ATPAF2: variants seen among roughly 807,000 people sequenced by gnomAD.
ATPAF2 encodes the protein ATP synthase mitochondrial F1 complex assembly factor 2.
A neutral mutation model predicts 36.6 loss-of-function variants in ATPAF2; 30 were observed. The ratio of observed to expected loss-of-function variants is 0.82; its 90% confidence interval spans 0.61 to 1.11. The LOEUF (loss-of-function observed/expected upper bound fraction) is 1.11, where lower values mean the gene tolerates loss of function less well. Among genes scored for constraint, ATPAF2 ranks in the 50% most tolerant of loss-of-function variants. ATPAF2 has a pLI of 0.00. For missense variants in ATPAF2, 321 were observed against 372.3 expected (o/e 0.86, Z 1.13); for synonymous variants, 140 against 152.6 (o/e 0.92, Z 0.61).
chr17:18,026,157 C>T lies in ATPAF2; in HGVS notation c.422+162G>A, dbSNP rs1295490619. Reference sequence around the variant, plus strand: ...CACCATTGTAGCCCGAGGAGTCCTCCTCCTAAGGGGCTACAGAGCAGCCAA... The same window carrying T: ...CACCATTGTAGCCCGAGGAGTCCTCTTCCTAAGGGGCTACAGAGCAGCCAA... On this transcript the variant is annotated intron_variant, in intron 4 of 7. Transcript: ENST00000474627. 14 of 723,736 alleles carry T rather than the reference C, an allele frequency of 1.9e-5. No homozygotes were observed. The East Asian group carries it at 2.9e-4, about 15-fold the overall frequency. 44.8% of individuals were successfully genotyped at this position (723,736 alleles called of 1,614,324 possible).
At chr17:18,032,334 C>CT (rs1452502941) in intron 1 of ATPAF2, among the ~76,000 whole-genome samples, 1 of 152,194 alleles carries the variant, frequency 6.6e-6, no homozygotes, top group Non-Finnish European at 1.5e-5. Context: ...AGAGGGAAGT[C>CT]TTTTTTCTGT....
chr17:18,018,585 C>G lies in ATPAF2; in HGVS notation c.834G>C (p.Glu278Asp). Reference protein sequence around the residue: ...AGTLFIHLCSESTTVKHKLLK... With the variant: ...AGTLFIHLCSDSTTVKHKLLK... The stretch of plus-strand genomic sequence containing the variant: ...GGAGCTTGTGCTTGACTGTGGTGCT[C>G]TCGGAGCAGAGATGGATGAAGAGGG... The change falls in exon 8 of 8, where the codon GAG becomes GAC. Residue 278 changes from glutamate (E) to aspartate (D), a missense_variant. Glu to Asp is a conservative substitution (Grantham distance 45). Around this residue, in one of 3 missense-constraint regions of ATPAF2, gnomAD observed 199 missense variants for 220.6 expected, o/e 0.90. Coordinates refer to ENST00000474627, the MANE Select transcript of ATPAF2 (RefSeq NM_145691.4). 4 of 1,613,946 alleles carry G rather than the reference C, an allele frequency of 2.5e-6. No individual in the cohort carries two copies. The highest frequency in any genetic ancestry group is 3.4e-6 in the Non-Finnish European group (4 of 1,180,036).
chr17:18,037,574 C>T (rs2044721482), intron 1 of ATPAF2, among the ~76,000 whole-genome samples: 1 of 151,894 alleles, frequency 6.6e-6, no homozygotes, highest in Admixed American at 6.6e-5. Flanking sequence ...ACAGAGGAGA[C>T]TCCGTCTCAA....
chr17:18,016,401 C>A, downstream of ATPAF2: 1 of 785,818 alleles, frequency 1.3e-6, no homozygotes, highest in Non-Finnish European at 2.0e-6. Flanking sequence ...ATTCCTACCT[C>A]AAATATACAG....
At position 18,021,051 on chromosome 17, in the gene ATPAF2, T is replaced by C. The variant is rs575369036; in HGVS notation, c.732+72A>G. On this transcript the variant is annotated intron_variant, in intron 7 of 7. Transcript: ENST00000474627. ...CAAGTATGCATAACTATATTTCAGA[T>C]GGGTTAGCTGCTCCCCCAAAGTGAG... 9.5e-5 allele frequency: 147 copies of C among 1,544,100 alleles called. No individual in the cohort carries two copies. The Middle Eastern group carries it at 1.5e-3, about 16-fold the overall frequency.
downstream of ATPAF2, among the ~76,000 whole-genome samples, chr17:18,017,354 A>G (rs919980656): frequency 5.3e-5 from 8 of 152,146 alleles, no homozygotes; most frequent in African/African-American, 1.9e-4. Flanking sequence ...TTCCCCTGCC[A>G]TGCCTAGGCA....
intron 1 of ATPAF2, among the ~76,000 whole-genome samples, chr17:18,031,712 G>A (rs1340839615): frequency 1.3e-5 from 2 of 152,064 alleles, no homozygotes; most frequent in African/African-American, 4.8e-5. Flanking sequence ...CCCGGGAGGT[G>A]GAGCTTGCAG....
At chr17:18,025,087 A>G (rs987878328) in intron 4 of ATPAF2, 1 of 345,700 alleles carries the variant, frequency 2.9e-6, no homozygotes, top group Non-Finnish European at 5.6e-6. Context: ...AGCAGATCCA[A>G]TCTACTAACT....
intron 3 of ATPAF2, among the ~76,000 whole-genome samples, chr17:18,027,231 A>G (rs2044560598): frequency 6.6e-6 from 1 of 151,612 alleles, no homozygotes; most frequent in Admixed American, 6.6e-5. Flanking sequence ...AAAAAAAAAA[A>G]GATCTTTTTT....
chr17:18,024,290 A>G (rs2044511511), intron 5 of ATPAF2, among the ~76,000 whole-genome samples: 2 of 152,236 alleles, frequency 1.3e-5, no homozygotes, highest in South Asian at 4.1e-4. Context: ...TCTTCAGCAG[A>G]GCTGGGATTC....
chr17:18,023,126 TCA>T (rs1491584899), intron 5 of ATPAF2, among the ~76,000 whole-genome samples: 4 of 69,548 alleles, frequency 5.8e-5, no homozygotes, highest in East Asian at 8.2e-4. Context: ...GAGACTCCTT[TCA>T]AAAAAAAAAA....
chr17:18,037,128 A>C (rs1347681718), intron 1 of ATPAF2, among the ~76,000 whole-genome samples: 2 of 152,142 alleles, frequency 1.3e-5, no homozygotes, highest in African/African-American at 4.8e-5. Flanking sequence ...GCTTTTTGCC[A>C]ACTTGGTGAA....
chr17:18,028,570 C>CAAAAAAAAAAAAAAA, intron 2 of ATPAF2, 45 bp downstream of exon 2: 4 of 1,350,112 alleles, frequency 3.0e-6, no homozygotes, highest in African/African-American at 1.7e-5. Context: ...CAACCATTCA[C>CAAAAAAAAAAAAAAA]AAAAAAAAAA....
intron 3 of ATPAF2, chr17:18,028,013 C>G (rs990596057): frequency 5.0e-6 from 3 of 598,948 alleles, no homozygotes; most frequent in Non-Finnish European, 9.0e-6. Flanking sequence ...AAGGAGAAAC[C>G]AGCCATCCAG....
intron 1 of ATPAF2, among the ~76,000 whole-genome samples, chr17:18,038,559 G>T (rs1164860417): frequency 6.6e-6 from 1 of 152,212 alleles, no homozygotes; most frequent in South Asian, 2.1e-4. Flanking sequence ...CCCAGACGAA[G>T]TCCTGATTCA....
chr17:18,023,127 CAAA>C (rs772470040), intron 5 of ATPAF2, among the ~76,000 whole-genome samples: 19 of 104,770 alleles, frequency 1.8e-4, no homozygotes, highest in Admixed American at 5.0e-4. Context: ...AGACTCCTTT[CAAA>C]AAAAAAAAAA....
chr17:18,027,886 G>C, intron 3 of ATPAF2: 2 of 345,492 alleles, frequency 5.8e-6, no homozygotes, highest in Non-Finnish European at 1.1e-5. Flanking sequence ...GACAATAAAT[G>C]TGCAAACATA....
chr17:18,039,122 C>T lies in ATPAF2; in HGVS notation c.-109G>A. The T allele has an allele frequency of 1.4e-6, 2 of 1,461,792 alleles. No individual in the cohort carries two copies. The highest frequency in any genetic ancestry group is 1.9e-6 in the Non-Finnish European group (2 of 1,076,924). The allele number at this position is 1,461,792 out of a possible 1,614,324, so 90.6% of individuals were successfully genotyped here. On this transcript the variant is annotated 5_prime_UTR_variant, in exon 1 of 8. Coordinates refer to ENST00000474627, the MANE Select transcript of ATPAF2 (RefSeq NM_145691.4). The surrounding 1 kb of genome is among the most constrained non-coding windows in gnomAD (Gnocchi z 5.3). ...CGGGCTGTACGGAAACCTCTCAACG[C>T]CTCCTCAGAGCCCTCAACCTCCCTT...
downstream of ATPAF2, chr17:18,015,962 G>A: frequency 2.3e-6 from 3 of 1,316,654 alleles, no homozygotes; most frequent in East Asian, 4.7e-5. Flanking sequence ...AGTGTGGCCT[G>A]CACAGCCAGG....
Sources: allele counts gnomAD v4.1 joint callset (sites outside exome capture counted in the v4.1 genomes callset), GRCh38; gene constraint gnomAD v4.1.1; regional missense constraint gnomAD v4.1.1; non-coding constraint Gnocchi (gnomAD v3.1); transcripts MANE v1.5; gene names NCBI Gene and HGNC (gene_info 2026-07-23, HGNC 2026-07-21).